Variants in YPEL2 observed in about 807,000 individuals in gnomAD.
The protein encoded by YPEL2 is protein yippee-like 2.
A neutral mutation model predicts 19.1 loss-of-function variants in YPEL2; 2 were observed. That is an observed-to-expected ratio of 0.10 (90% CI 0.04 to 0.33). The LOEUF (loss-of-function observed/expected upper bound fraction) is 0.33, where lower values mean the gene tolerates loss of function less well. YPEL2 is among the 10% of genes least tolerant of loss of function. YPEL2 has a pLI of 1.00. For missense variants in YPEL2, 66 were observed against 140.7 expected, an observed-to-expected ratio of 0.47 and a Z score of 2.68; for synonymous variants, 52 against 50.0, an observed-to-expected ratio of 1.04 and a Z score of -0.17.
At chr17:59,382,393 C>G (rs965066361) in intron 2 of YPEL2, among the ~76,000 whole-genome samples, 2 of 152,150 alleles carry the variant, frequency 1.3e-5, no homozygotes, top group Non-Finnish European at 2.9e-5. Flanking sequence ...CCGCCTCTCT[C>G]TAGGAATTCT....
intron 2 of YPEL2, among the ~76,000 whole-genome samples, chr17:59,377,467 G>A (rs1361217436): frequency 6.6e-6 from 1 of 152,166 alleles, no homozygotes; most frequent in Non-Finnish European, 1.5e-5. Flanking sequence ...TGGTGAGGAT[G>A]GCATGTTGGC....
In YPEL2 at chr17:59,353,319, T is replaced by C; in HGVS notation, c.-91T>C. The stretch of plus-strand genomic sequence containing the variant: ...CCACCCGCTGCCAAACCACGGCCTT[T>C]ACCTGTGTCTTCCGGTGTTTCCCGT... On this transcript the variant is annotated 5_prime_UTR_variant, in exon 2 of 5. Transcript: ENST00000312655. This position sits in a 1 kb window ranked among gnomAD's most constrained non-coding sequence, Gnocchi z 4.8. The C allele has an allele frequency of 1.1e-6, 1 of 941,692 alleles. No homozygotes were observed. The highest frequency in any genetic ancestry group is 1.6e-6 in the Non-Finnish European group (1 of 612,254). 58.3% of individuals were successfully genotyped at this position (941,692 alleles called of 1,614,324 possible).
In YPEL2 at chr17:59,353,554, C is replaced by A; in HGVS notation, c.117+28C>A. 6.4e-7 allele frequency: 1 copy of A among 1,569,316 alleles called. No individual in the cohort carries two copies. Among genetic ancestry groups the A allele is most frequent in the Non-Finnish European group, 8.8e-7 (1 of 1,139,620 alleles). ...ACACATTTCCAGCAGGCCTTCCTTG[C>A]CTACCCCGGGGAGGGCGCTTAGTGC... is the stretch of plus-strand genomic sequence containing the variant. On this transcript the variant is annotated intron_variant, in intron 2 of 4. Transcript: ENST00000312655. The surrounding 1 kb of genome is among the most constrained non-coding windows in gnomAD (Gnocchi z 4.8).
intron 2 of YPEL2, among the ~76,000 whole-genome samples, chr17:59,378,117 CCCTTGAACATCAGG>C (rs2147951563): frequency 6.6e-6 from 1 of 152,138 alleles, no homozygotes; most frequent in Non-Finnish European, 1.5e-5. Flanking sequence ...GGCATCCTTT[CCCTTGAACATCAGG>C]CAACACGACA....
intron 2 of YPEL2, among the ~76,000 whole-genome samples, chr17:59,367,559 C>T (rs1047371147): frequency 6.6e-6 from 1 of 152,124 alleles, no homozygotes; most frequent in Non-Finnish European, 1.5e-5. Flanking sequence ...CCCAATTAGG[C>T]CCTTGGACTG....
rs529431641 is a variant in YPEL2, at chr17:59,348,928, T to A, written c.-195-4287T>A. Among the ~76,000 whole-genome samples the A allele has an allele frequency of 2.4e-4, 36 of 152,284 alleles. 2 individuals carry two copies. In the South Asian group the frequency reaches 6.8e-3, roughly 29 times the overall value. On this transcript the variant is annotated intron_variant, in intron 1 of 4. Transcript: ENST00000312655. The stretch of plus-strand genomic sequence containing the variant: ...TTGGCTGGGCGCAGTGGCTCACGCC[T>A]GTAATCCCAGCACTTTGGGAGGCCG...
intron 1 of YPEL2, among the ~76,000 whole-genome samples, chr17:59,334,455 T>G (rs2047688916): frequency 6.6e-6 from 1 of 151,252 alleles, no homozygotes. Flanking sequence ...CAAGTTCCCA[T>G]ACCTCCTGGG....
At chr17:59,376,090 T>C (rs2147950576) in intron 2 of YPEL2, among the ~76,000 whole-genome samples, 1 of 152,360 alleles carries the variant, frequency 6.6e-6, no homozygotes, top group Middle Eastern at 3.4e-3. Context: ...AGTTTTAGTC[T>C]CATTCTGTTT....
chr17:59,345,780 A>G lies in YPEL2; in HGVS notation c.-195-7435A>G, dbSNP rs142339733. On this transcript the variant is annotated intron_variant, in intron 1 of 4. Transcript: ENST00000312655. ...CTCACTGGTAAGGGTGACTGTAGCT[A>G]ATCGGGATTATTGAGTATTAGCCAT... is the stretch of plus-strand genomic sequence containing the variant. Among the ~76,000 whole-genome samples, 5 of 152,266 alleles carry G rather than the reference A, an allele frequency of 3.3e-5. No individual in the cohort carries two copies. In the East Asian group the frequency reaches 9.6e-4, roughly 29 times the overall value.
rs116801588 is a variant in YPEL2 at position 59,367,886 on chromosome 17, G to A, written c.117+14360G>A. The stretch of plus-strand genomic sequence containing the variant: ...TAATGGGAAGACAGTGTGGGGCCCT[G>A]CTGAGGAGAGTCTGTGGCACCATTT... On this transcript the variant is annotated intron_variant, in intron 2 of 4. Coordinates refer to ENST00000312655, the MANE Select transcript of YPEL2 (RefSeq NM_001005404.4). 8.3e-3 allele frequency among the ~76,000 whole-genome samples: 1,263 copies of A among 152,282 alleles called. 26 individuals carry two copies. The highest frequency in any genetic ancestry group is 0.029 in the African/African-American group (1,191 of 41,536).
chr17:59,366,858 C>T (rs964696566), intron 2 of YPEL2, among the ~76,000 whole-genome samples: 3 of 152,124 alleles, frequency 2.0e-5, no homozygotes, highest in East Asian at 1.9e-4. Context: ...TGATTCTTCC[C>T]GCAGCGGGAG....
intron 1 of YPEL2, among the ~76,000 whole-genome samples, chr17:59,351,573 TG>T (rs112020873): frequency 0.015 from 2,320 of 152,248 alleles, 61 homozygotes; most frequent in East Asian, 0.11. Flanking sequence ...CAAAAGTTTA[TG>T]TATCTTTCGT....
chr17:59,365,631 C>T (rs537104504), intron 2 of YPEL2, among the ~76,000 whole-genome samples: 28 of 152,166 alleles, frequency 1.8e-4, no homozygotes, highest in Non-Finnish European at 3.7e-4. Flanking sequence ...AGAACAAAAC[C>T]AAAAGAGAAT....
rs575648510 is a variant in YPEL2, at chr17:59,389,001, C to A, written c.162-359C>A. 6 of 303,454 alleles carry A rather than the reference C, an allele frequency of 2.0e-5. No homozygotes were observed. The South Asian group carries it at 2.1e-4, about 11-fold the overall frequency. 18.8% of individuals were successfully genotyped at this position (303,454 alleles called of 1,614,324 possible). Reference sequence around the variant, plus strand: ...TGTGGCATCTTCAGCTTCATTCAGTCCTCAGTAAGCTGTGAGGACCTGTGC... The same window carrying A: ...TGTGGCATCTTCAGCTTCATTCAGTACTCAGTAAGCTGTGAGGACCTGTGC... On this transcript the variant is annotated intron_variant, in intron 3 of 4. Coordinates refer to ENST00000312655, the MANE Select transcript of YPEL2 (RefSeq NM_001005404.4).
At chr17:59,388,496 TA>T in intron 3 of YPEL2, 126 bp downstream of exon 3, 2 of 949,452 alleles carry the variant, frequency 2.1e-6, no homozygotes, top group Non-Finnish European at 3.4e-6. Context: ...TGTGGAGCAT[TA>T]CTGTCCACAA....
At chr17:59,360,358 C>T (rs1456923814) in intron 2 of YPEL2, among the ~76,000 whole-genome samples, 2 of 152,152 alleles carry the variant, frequency 1.3e-5, no homozygotes, top group African/African-American at 2.4e-5. Context: ...GGATTACAGA[C>T]GTGAGCCACT....
chr17:59,399,720 C>G lies in YPEL2; in HGVS notation c.*2530C>G, dbSNP rs571368028. On this transcript the variant is annotated 3_prime_UTR_variant, in exon 5 of 5. Coordinates refer to ENST00000312655, the MANE Select transcript of YPEL2 (RefSeq NM_001005404.4). ...TTCGCTCTGTTCATGGGTTGTCTAT[C>G]TAACATTGAGCAGCATTGGAGAGGC... 2 of 152,738 alleles carry G rather than the reference C, an allele frequency of 1.3e-5. No individual in the cohort carries two copies. Among genetic ancestry groups the G allele is most frequent in the South Asian group, 2.1e-4 (1 of 4,822 alleles). The allele number at this position is 152,738 out of a possible 1,614,324, so 9.5% of individuals were successfully genotyped here.
intron 1 of YPEL2, among the ~76,000 whole-genome samples, chr17:59,336,821 AC>A (rs2047700780): frequency 6.6e-6 from 1 of 152,198 alleles, no homozygotes; most frequent in Admixed American, 6.5e-5. Flanking sequence ...AATGCCACTT[AC>A]ATCTATTTGA....
At chr17:59,383,908 G>A (rs1159307969) in intron 2 of YPEL2, among the ~76,000 whole-genome samples, 1 of 151,572 alleles carries the variant, frequency 6.6e-6, no homozygotes, top group African/African-American at 2.4e-5. Flanking sequence ...CTATTTATCC[G>A]GTCACCATTT....
Sources: allele counts gnomAD v4.1 joint callset (sites outside exome capture counted in the v4.1 genomes callset), GRCh38; gene constraint gnomAD v4.1.1; non-coding constraint Gnocchi (gnomAD v3.1); transcripts MANE v1.5; gene names NCBI Gene and HGNC (gene_info 2026-07-23, HGNC 2026-07-21).